Variants in LRIG1 observed in about 807,000 individuals in gnomAD.
The protein encoded by LRIG1 is leucine rich repeats and immunoglobulin like domains 1.
A neutral mutation model predicts 99.2 loss-of-function variants in LRIG1; 48 were observed. That is an observed-to-expected ratio of 0.48 (90% CI 0.38 to 0.62). LRIG1 has a LOEUF of 0.62. Ranked by LOEUF, LRIG1 falls within the 20% of genes least tolerant of loss-of-function variation. The pLI, the probability that LRIG1 is intolerant of heterozygous loss-of-function variation, is 0.00. For missense variants in LRIG1, 1,646 were observed against 1,434.4 expected, an observed-to-expected ratio of 1.15 and a Z score of -2.38; for synonymous variants, 772 against 596.1, an observed-to-expected ratio of 1.29 and a Z score of -4.30.
Position 66,383,057 on chromosome 3 carries a change from G to C in LRIG1, c.2416C>G (p.Leu806Val), listed in dbSNP as rs777310923. The C allele has an allele frequency of 1.2e-6, 2 of 1,614,236 alleles. No individual in the cohort carries two copies. Among genetic ancestry groups the C allele is most frequent in the Admixed American group, 3.3e-5 (2 of 60,036 alleles). ...FTIAVVSSIV[L>V]TSLVWVCIIY... is the part of the protein sequence containing the mutation. ...ATGCACACCCAGACCAGTGACGTCA[G>C]GACGATGCTGCTCACGACAGCAATG... Residue 806 changes from leucine (L) to valine (V), a missense_variant, in exon 15 of 19, where the codon CTG (leucine) becomes GTG (valine). Coordinates refer to ENST00000273261, the MANE Select transcript of LRIG1 (RefSeq NM_015541.3).
At chr3:66,423,206 C>T (rs1702873651) in intron 3 of LRIG1, among the ~76,000 whole-genome samples, 2 of 152,170 alleles carry the variant, frequency 1.3e-5, no homozygotes, top group Non-Finnish European at 1.5e-5. Flanking sequence ...CATTTAACAC[C>T]ATTGAACTCC....
intron 1 of LRIG1, among the ~76,000 whole-genome samples, chr3:66,466,975 C>T (rs1478050666): frequency 2.6e-5 from 4 of 152,150 alleles, no homozygotes; most frequent in East Asian, 1.9e-4. Flanking sequence ...ACAAAGGGTG[C>T]GCAGATCTCT....
chr3:66,403,415 G>A (rs1211358040), intron 9 of LRIG1, among the ~76,000 whole-genome samples: 1 of 151,434 alleles, frequency 6.6e-6, no homozygotes, highest in Non-Finnish European at 1.5e-5. Context: ...CATACACAGA[G>A]TCTCCAGCCC....
In LRIG1 at chr3:66,380,128, G is replaced by A. The variant is rs939104230; in HGVS notation, c.*135C>T. ...TTACTGTGCTTCAGATCCAAGTCCT[G>A]TGAGCGACTGATACTCCACATGGGA... On this transcript the variant is annotated 3_prime_UTR_variant, in exon 19 of 19. Transcript: ENST00000273261. The A allele has an allele frequency of 1.3e-5, 9 of 687,476 alleles. No individual in the cohort carries two copies. In the East Asian group the frequency reaches 1.6e-4, roughly 13 times the overall value. The allele number at this position is 687,476 out of a possible 1,614,324, so 42.6% of individuals were successfully genotyped here.
chr3:66,381,074 G>C (rs1233682569), intron 17 of LRIG1: 1 of 602,594 alleles, frequency 1.7e-6, no homozygotes. Flanking sequence ...CGTGTTTACA[G>C]TGAATTTCAT....
chr3:66,385,854 T>G, intron 13 of LRIG1, 127 bp downstream of exon 13: 1 of 890,108 alleles, frequency 1.1e-6, no homozygotes, highest in Non-Finnish European at 1.7e-6. Context: ...AACAATAGGA[T>G]TTAACAGTGC....
intron 2 of LRIG1, among the ~76,000 whole-genome samples, chr3:66,456,516 TCAGCTATGAC>T (rs1252041659): frequency 8.8e-5 from 13 of 148,154 alleles, no homozygotes; most frequent in Non-Finnish European, 1.8e-4. Flanking sequence ...GAGGCTGCAG[TCAGCTATGAC>T]CATACCACTG....
chr3:66,382,190 C>T, intron 16 of LRIG1, 83 bp downstream of exon 16: 1 of 1,538,244 alleles, frequency 6.5e-7, no homozygotes, highest in Non-Finnish European at 9.0e-7. Flanking sequence ...CAGGTACCTG[C>T]CCTGTAAAGA....
At chr3:66,458,315 T>C (rs1252176150) in intron 2 of LRIG1, among the ~76,000 whole-genome samples, 2 of 152,106 alleles carry the variant, frequency 1.3e-5, no homozygotes, top group Admixed American at 1.3e-4. Flanking sequence ...ACTTTGTTGC[T>C]CACGCTGGTC....
At chr3:66,475,100 T>C (rs1002445038) in intron 1 of LRIG1, among the ~76,000 whole-genome samples, 1 of 152,162 alleles carries the variant, frequency 6.6e-6, no homozygotes, top group Non-Finnish European at 1.5e-5. Context: ...TCAGCTACAT[T>C]GAGGCAGCTG....
At chr3:66,479,468 C>A (rs1700799421) in intron 1 of LRIG1, among the ~76,000 whole-genome samples, 2 of 152,146 alleles carry the variant, frequency 1.3e-5, no homozygotes, top group Admixed American at 6.5e-5. Context: ...TGTAGATCTT[C>A]AAAGTCTTAA....
At chr3:66,443,015 A>C (rs1703594849) in intron 3 of LRIG1, among the ~76,000 whole-genome samples, 1 of 152,136 alleles carries the variant, frequency 6.6e-6, no homozygotes, top group Non-Finnish European at 1.5e-5. Flanking sequence ...ACAAGTCATG[A>C]CTGTGTAATT....
chr3:66,401,467 T>TTAAA lies in LRIG1; in HGVS notation c.1161-2430_1161-2427dup, dbSNP rs933934810. 28 of 498,736 alleles carry TTAAA rather than the reference T, an allele frequency of 5.6e-5. No individual in the cohort carries two copies. The Admixed American group carries it at 7.6e-4, about 13-fold the overall frequency. The allele number at this position is 498,736 out of a possible 1,614,324, so 30.9% of individuals were successfully genotyped here. On this transcript the variant is annotated intron_variant, in intron 9 of 18. Transcript: ENST00000273261. ...AAAAAGCTGCGCTTTATTTCATCCATTAAATATTAGTCACATTGACCTGTT... is the reference window on the plus strand; with the variant it reads ...AAAAAGCTGCGCTTTATTTCATCCATTAAATAAATATTAGTCACATTGACCTGTT...
chr3:66,412,788 T>C, intron 6 of LRIG1, 83 bp downstream of exon 6: 1 of 1,477,518 alleles, frequency 6.8e-7, no homozygotes, highest in Non-Finnish European at 9.3e-7. Context: ...GGTGCGCACA[T>C]GCATGCGCAC....
At chr3:66,437,203 C>T (rs1396751940) in intron 3 of LRIG1, among the ~76,000 whole-genome samples, 1 of 152,236 alleles carries the variant, frequency 6.6e-6, no homozygotes, top group African/African-American at 2.4e-5. Context: ...CACAGAAAGC[C>T]TTTCCCAAAC....
chr3:66,500,213 G>T lies in LRIG1; in HGVS notation c.195C>A (p.Asp65Glu), dbSNP rs1296008396. The T allele has an allele frequency of 1.3e-6, 2 of 1,514,424 alleles. No individual in the cohort carries two copies. Among genetic ancestry groups the T allele is most frequent in the Admixed American group, 4.1e-5 (2 of 49,268 alleles). The allele number at this position is 1,514,424 out of a possible 1,614,324, so 93.8% of individuals were successfully genotyped here. A position where few individuals can be genotyped will look rare whatever the true frequency, so the allele number is the denominator to read the frequency against. The change falls in exon 1 of 19, where the codon GAC (aspartate) becomes GAA (glutamate). Residue 65 changes from aspartate to glutamate, a missense_variant. By Grantham distance (45) the Asp-to-Glu change is conservative. Transcript: ENST00000273261. Reference sequence around the variant, plus strand: ...ACAGGCTCCGCGTCCAGGAGGGCAGGTCCCCGGGCAACGCAGCCAGCCCGC... The same window carrying T: ...ACAGGCTCCGCGTCCAGGAGGGCAGTTCCCCGGGCAACGCAGCCAGCCCGC... Reference protein sequence around the residue: ...GGRGLAALPGDLPSWTRSLNL... With the variant: ...GGRGLAALPGELPSWTRSLNL...
chr3:66,398,245 G>A (rs535670739), intron 10 of LRIG1, 62 bp from the exon 11 acceptor site: 4 of 1,317,742 alleles, frequency 3.0e-6, no homozygotes, highest in African/African-American at 1.4e-5. Flanking sequence ...GGGTTTTCAG[G>A]ACAGTCCTGG....
chr3:66,457,994 G>A (rs1189804856), intron 2 of LRIG1, among the ~76,000 whole-genome samples: 2 of 152,252 alleles, frequency 1.3e-5, no homozygotes, highest in Non-Finnish European at 2.9e-5. Flanking sequence ...ATTTAAGGTA[G>A]TGCAGCCGCC....
chr3:66,420,835 T>A (rs56390008), intron 3 of LRIG1, among the ~76,000 whole-genome samples: 1 of 152,048 alleles, frequency 6.6e-6, no homozygotes, highest in African/African-American at 2.4e-5. Context: ...TCCATTTTCA[T>A]GCTGCTGATA....
Sources: allele counts gnomAD v4.1 joint callset (sites outside exome capture counted in the v4.1 genomes callset), GRCh38; gene constraint gnomAD v4.1.1; transcripts MANE v1.5; gene names NCBI Gene and HGNC (gene_info 2026-07-23, HGNC 2026-07-21).